DAXX: variants seen among roughly 807,000 people sequenced by gnomAD.
DAXX encodes the protein death domain associated protein, also known as death domain-associated protein 6.
In DAXX, 24 loss-of-function variants were observed where a neutral mutation model predicts 61.9. The observed-to-expected ratio is 0.39, with a 90% CI of 0.28 to 0.55. The LOEUF is 0.55. DAXX is among the 20% of genes least tolerant of loss of function. The probability of loss-of-function intolerance (pLI) is 0.69; values close to 1 mark genes in which losing one functional copy is unlikely to be tolerated. For missense variants in DAXX, 819 were observed against 935.3 expected (o/e 0.88, Z 1.62); for synonymous variants, 357 against 369.5 (o/e 0.97, Z 0.39).
chr6:33,322,814 T>G, intron 1 of DAXX, 48 bp downstream of exon 1: 1 of 904,078 alleles, frequency 1.1e-6, no homozygotes, highest in Non-Finnish European at 1.7e-6. Flanking sequence ...TACCTCTCCC[T>G]CTATATCCCC....
In DAXX at chr6:33,322,892, C is replaced by T. The variant is rs1039513128; in HGVS notation, c.-83G>A. 2 of 1,442,676 alleles carry T rather than the reference C, an allele frequency of 1.4e-6. No individual in the cohort carries two copies. Among genetic ancestry groups the T allele is most frequent in the Admixed American group, 1.8e-5 (1 of 55,042 alleles). 89.4% of individuals were successfully genotyped at this position (1,442,676 alleles called of 1,614,324 possible). The stretch of plus-strand genomic sequence containing the variant: ...AAACCGTCTCTCGAGGCGACCCTCG[C>T]CGCAATTCTCAGAACCTCGCATGGT... On this transcript the variant is annotated 5_prime_UTR_variant, in exon 1 of 8. Coordinates refer to ENST00000374542, the MANE Select transcript of DAXX (RefSeq NM_001141969.2).
rs753681130 is a variant in DAXX at position 33,321,683 on chromosome 6, C to T, written c.207+36G>A. On this transcript the variant is annotated intron_variant, in intron 2 of 7. Transcript: ENST00000374542. This position sits in a 1 kb window ranked among gnomAD's most constrained non-coding sequence, Gnocchi z 7.2. ...AGGAGAACCAGTCAGCCATCCCCCT[C>T]CCTGGGGTACAACAATCTTCCCCGC... 1.2e-6 allele frequency: 2 copies of T among 1,606,526 alleles called. No homozygotes were observed. Among genetic ancestry groups the T allele is most frequent in the Non-Finnish European group, 1.7e-6 (2 of 1,175,020 alleles).
At chr6:33,322,723 G>A (rs1342433040) in intron 1 of DAXX, 139 bp downstream of exon 1, 5 of 277,626 alleles carry the variant, frequency 1.8e-5, no homozygotes, top group South Asian at 7.1e-5. Flanking sequence ...CCCCAGTTCA[G>A]CCCCCGGCCG....
At chr6:33,322,732 C>A (rs1359147866) in intron 1 of DAXX, 130 bp downstream of exon 1, 2 of 364,460 alleles carry the variant, frequency 5.5e-6, no homozygotes, top group Non-Finnish European at 1.1e-5. Flanking sequence ...AGCCCCCGGC[C>A]GCTCCACTCC....
chr6:33,320,237 G>A lies in DAXX; in HGVS notation c.1252-13C>T, dbSNP rs759951276. 2.1e-5 allele frequency: 34 copies of A among 1,593,142 alleles called. No individual in the cohort carries two copies. The highest frequency in any genetic ancestry group is 2.8e-5 in the Non-Finnish European group (33 of 1,161,256). On this transcript the variant is annotated splice_polypyrimidine_tract_variant and intron_variant, in intron 4 of 7. Coordinates refer to ENST00000374542, the MANE Select transcript of DAXX (RefSeq NM_001141969.2). This position sits in a 1 kb window ranked among gnomAD's most constrained non-coding sequence, Gnocchi z 7.1. Reference sequence around the variant, plus strand: ...TTCCACTAGGGCCCTGGGAGACAAAGAAGTTTCTCTAAGGAATCCCTTGCC... The same window carrying A: ...TTCCACTAGGGCCCTGGGAGACAAAAAAGTTTCTCTAAGGAATCCCTTGCC...
rs758413375 is a variant in DAXX, at chr6:33,319,802, C to G, written c.1518G>C (p.Lys506Asn). ...PMSSLQISNE[K>N]NLEPGKQISR... ...TGATCTGTTTGCCAGGTTCCAGGTT[C>G]TTTTCATTGGAGATCTGTAGTGAGG... The change falls in exon 6 of 8, where the codon AAG becomes AAC. Residue 506 changes from lysine (K) to asparagine (N), a missense_variant. Transcript: ENST00000374542. 26 of 1,613,950 alleles carry G rather than the reference C, an allele frequency of 1.6e-5. No homozygotes were observed. In the South Asian group the frequency reaches 2.7e-4, roughly 17 times the overall value.
chr6:33,319,078 C>A lies in DAXX; in HGVS notation c.2082G>T (p.Val694=), dbSNP rs1372956983. 1 of 1,614,120 alleles carries A rather than the reference C, an allele frequency of 6.2e-7. No homozygotes were observed. The highest frequency in any genetic ancestry group is 2.2e-5 in the East Asian group (1 of 44,888). The change falls in exon 7 of 8, where the codon GTG becomes GTT. Residue 694 remains valine (V), a synonymous_variant. Transcript: ENST00000374542. ...TRVDSPSHGL[V]TSSLCIPSPA... ...GAGAAGGGATGCAGAGGGAGCTGGT[C>A]ACCAGGCCATGGCTGGGAGAGTCCA...
rs1770478463 is a variant in DAXX at position 33,320,698 on chromosome 6, T to C, written c.1039+38A>G. 1 of 1,609,968 alleles carries C rather than the reference T, an allele frequency of 6.2e-7. No individual in the cohort carries two copies. The highest frequency in any genetic ancestry group is 1.1e-5 in the South Asian group (1 of 90,896). On this transcript the variant is annotated intron_variant, in intron 3 of 7. Coordinates refer to ENST00000374542, the MANE Select transcript of DAXX (RefSeq NM_001141969.2). The surrounding 1 kb of genome is among the most constrained non-coding windows in gnomAD (Gnocchi z 7.1). ...TGCCCCATCCGCCTCATACCTGACA[T>C]ATAAGGGTCACTGAGAGGCATCCCA...
Position 33,320,246 on chromosome 6 carries a change from C to G in DAXX, c.1252-22G>C, listed in dbSNP as rs2150991575. On this transcript the variant is annotated intron_variant, in intron 4 of 7. Coordinates refer to ENST00000374542, the MANE Select transcript of DAXX (RefSeq NM_001141969.2). The surrounding 1 kb of genome is among the most constrained non-coding windows in gnomAD (Gnocchi z 7.1). Reference sequence around the variant, plus strand: ...GGCCCTGGGAGACAAAGAAGTTTCTCTAAGGAATCCCTTGCCCCAGAGGGT... The same window carrying G: ...GGCCCTGGGAGACAAAGAAGTTTCTGTAAGGAATCCCTTGCCCCAGAGGGT... 6.4e-7 allele frequency: 1 copy of G among 1,573,034 alleles called. No individual in the cohort carries two copies. The highest frequency in any genetic ancestry group is 8.7e-7 in the Non-Finnish European group (1 of 1,142,936).
At chr6:33,322,572 A>G (rs1581793221) in intron 1 of DAXX, 1 of 225,700 alleles carries the variant, frequency 4.4e-6, no homozygotes, top group Non-Finnish European at 8.9e-6. Flanking sequence ...CTTTCACCCC[A>G]CCCTAATTTT....
chr6:33,320,588 A>G lies in DAXX; in HGVS notation c.1043T>C (p.Val348Ala), dbSNP rs1200333484. The change falls in exon 4 of 8, where the codon GTT becomes GCT. Residue 348 changes from valine to alanine, a missense_variant. Physicochemically the swap from Val to Ala is moderately conservative, Grantham distance 64 (BLOSUM62 0). Transcript: ENST00000374542. This position sits in a 1 kb window ranked among gnomAD's most constrained non-coding sequence, Gnocchi z 7.1. The stretch of plus-strand genomic sequence containing the variant: ...CACAGGATCTGATAGTGCAGGGTCA[A>G]CGCCTACGTGGGAAGACATAAAGTC... ...CHLTDDYRPGVDPALSDPVLA... is the reference protein window; with the variant it reads ...CHLTDDYRPGADPALSDPVLA... The G allele has an allele frequency of 1.1e-5, 17 of 1,613,226 alleles. No homozygotes were observed. Among genetic ancestry groups the G allele is most frequent in the Admixed American group, 1.7e-5 (1 of 59,900 alleles).
chr6:33,322,684 C>G (rs1254540122), intron 1 of DAXX, 178 bp downstream of exon 1: 1 of 383,186 alleles, frequency 2.6e-6, no homozygotes, highest in Non-Finnish European at 5.0e-6. Flanking sequence ...GGCCGGTCCG[C>G]TAGATGCGCT....
chr6:33,320,665 TAG>T lies in DAXX; in HGVS notation c.1039+69_1039+70del, dbSNP rs1290224995. ...GAAGAGTAAAAACCCTAGAAAGGAC[TAG>T]AGAGATGCCCCATCCGCCTCATACC... On this transcript the variant is annotated intron_variant, in intron 3 of 7. Coordinates refer to ENST00000374542, the MANE Select transcript of DAXX (RefSeq NM_001141969.2). The surrounding 1 kb of genome is among the most constrained non-coding windows in gnomAD (Gnocchi z 7.1). The T allele has an allele frequency of 1.2e-6, 2 of 1,604,026 alleles. No homozygotes were observed. The highest frequency in any genetic ancestry group is 1.7e-6 in the Non-Finnish European group (2 of 1,174,084).
intron 1 of DAXX, chr6:33,322,558 C>A: frequency 4.1e-6 from 1 of 243,042 alleles, no homozygotes; most frequent in Non-Finnish European, 8.4e-6. Context: ...CCCAAGTCCC[C>A]TCCCTTTCAC....
rs547841552 is a variant in DAXX, at chr6:33,322,145, C to G, written c.-52-168G>C. ...GTTCTATATGCTTTTTGGGGCCCTT[C>G]AAGTGGTGTGGGGGGGGGGCAAACC... is the stretch of plus-strand genomic sequence containing the variant. On this transcript the variant is annotated intron_variant, in intron 1 of 7. Transcript: ENST00000374542. The G allele has an allele frequency of 1.0e-3, 415 of 404,774 alleles. 3 individuals are homozygous for G. The African/African-American group carries it at 0.011, about 10-fold the overall frequency. 25.1% of individuals were successfully genotyped at this position (404,774 alleles called of 1,614,324 possible). A position where few individuals can be genotyped will look rare whatever the true frequency, so the allele number is the denominator to read the frequency against.
chr6:33,319,243 T>A, intron 6 of DAXX, 24 bp from the exon 7 acceptor site: 1 of 1,579,924 alleles, frequency 6.3e-7, no homozygotes, highest in Middle Eastern at 1.8e-4. Context: ...CATAAATATG[T>A]GGAGGGGTAC....
In DAXX at chr6:33,320,689, T is replaced by G; in HGVS notation, c.1039+47A>C. On this transcript the variant is annotated intron_variant, in intron 3 of 7. Transcript: ENST00000374542. The surrounding 1 kb of genome is among the most constrained non-coding windows in gnomAD (Gnocchi z 7.1). The stretch of plus-strand genomic sequence containing the variant: ...CTAGAGAGATGCCCCATCCGCCTCA[T>G]ACCTGACATATAAGGGTCACTGAGA... The G allele has an allele frequency of 6.2e-7, 1 of 1,607,954 alleles. No individual in the cohort carries two copies. The highest frequency in any genetic ancestry group is 8.5e-7 in the Non-Finnish European group (1 of 1,175,646).
rs2150988257 is a variant in DAXX at position 33,319,395 on chromosome 6, C to T, written c.1925G>A (p.Gly642Glu). The change falls in exon 6 of 8, where the codon GGG becomes GAG. Residue 642 changes from glycine (G) to glutamate (E), a missense_variant. Gly to Glu is a moderately conservative substitution (Grantham distance 98). Transcript: ENST00000374542. ...TTGTTATTACCTGTTTCCTAATGGC[C>T]CTGATCCTGTTTGCTTCTTCTCCTT... is the stretch of plus-strand genomic sequence containing the variant. ...SRKEKKQTGS[G>E]PLGNSYVERQ... 1 of 1,612,432 alleles carries T rather than the reference C, an allele frequency of 6.2e-7. No individual in the cohort carries two copies. The highest frequency in any genetic ancestry group is 1.1e-5 in the South Asian group (1 of 90,992).
In DAXX at chr6:33,320,967, G is replaced by A. The variant is rs146083974; in HGVS notation, c.808C>T (p.Arg270Cys). Residue 270 changes from arginine to cysteine, a missense_variant, in exon 3 of 8, where the codon CGC (arginine) becomes TGC (cysteine). Physicochemically the swap from Arg to Cys is radical, Grantham distance 180. Transcript: ENST00000374542. The surrounding 1 kb of genome is among the most constrained non-coding windows in gnomAD (Gnocchi z 7.1). ...RGTRYPEVNR[R>C]IERLINKPGP... ...GGCTTGTTGATGAGCCGCTCAATGC[G>A]CCTGTTAACCTCTGGGTAGCGGGTG... 4.6e-5 allele frequency: 74 copies of A among 1,613,520 alleles called. No homozygotes were observed. Among genetic ancestry groups the A allele is most frequent in the African/African-American group, 8.0e-5 (6 of 74,908 alleles).
Sources: gnomAD v4.1 joint callset for allele counts on GRCh38, gnomAD v4.1.1 for gene constraint, Gnocchi (gnomAD v3.1) non-coding constraint, MANE v1.5 for transcripts, NCBI Gene and HGNC (gene_info 2026-07-23, HGNC 2026-07-21) for gene names.